ESPN: variants seen among roughly 807,000 people sequenced by gnomAD.
ESPN encodes the protein autosomal recessive deafness type 36 protein.
A neutral mutation model predicts 77.7 loss-of-function variants in ESPN; 68 were observed. That is an observed-to-expected ratio of 0.87 (90% CI 0.72 to 1.07). ESPN has a LOEUF of 1.07. ESPN is among the 50% of genes least tolerant of loss of function. ESPN has a pLI of 0.00. For synonymous variants in ESPN, 449 were observed against 567.1 expected (o/e 0.79, Z 2.96); for missense variants, 1,060 against 1,239.0 (o/e 0.86, Z 2.17).
Position 6,460,217 on chromosome 1 carries a change from C to T in ESPN, c.*71C>T. 1 of 1,572,612 alleles carries T rather than the reference C, an allele frequency of 6.4e-7. No homozygotes were observed. The highest frequency in any genetic ancestry group is 8.7e-7 in the Non-Finnish European group (1 of 1,155,012). The stretch of plus-strand genomic sequence containing the variant: ...CCGCCCCAGCCCCAGCCAGCCAGGC[C>T]CTGGTGGAAAGGCTGGGAGCCGCAC... On this transcript the variant is annotated 3_prime_UTR_variant, in exon 13 of 13. Transcript: ENST00000645284.
chr1:6,451,849 C>T lies in ESPN; in HGVS notation c.2078C>T (p.Pro693Leu). 6.2e-7 allele frequency: 1 copy of T among 1,611,762 alleles called. No homozygotes were observed. Among genetic ancestry groups the T allele is most frequent in the Non-Finnish European group, 8.5e-7 (1 of 1,179,392 alleles). Reference protein sequence around the residue: ...QPAFQPDSPLPSVSPALSPVR... With the variant: ...QPAFQPDSPLLSVSPALSPVR... ...TCCCTGCAGCCCGATTCGCCGCTGC[C>T]TTCTGTGTCACCTGCACTGTCACCA... Residue 693 changes from proline to leucine, a missense_variant, in exon 10 of 13, where the codon CCT (proline) becomes CTT (leucine). Around this residue, in one of 3 missense-constraint regions of ESPN, gnomAD observed 374 missense variants for 381.4 expected, o/e 0.98. Transcript: ENST00000645284. The surrounding 1 kb of genome is among the most constrained non-coding windows in gnomAD (Gnocchi z 4.3).
At chr1:6,439,869 C>G (rs1394424466) in intron 2 of ESPN, among the ~76,000 whole-genome samples, 1 of 152,066 alleles carries the variant, frequency 6.6e-6, no homozygotes, top group Non-Finnish European at 1.5e-5. Context: ...ATTAGCGGGG[C>G]GTGGTGGCAC....
In ESPN at chr1:6,440,825, G is replaced by A; in HGVS notation, c.858+17G>A. The A allele has an allele frequency of 6.8e-7, 1 of 1,460,894 alleles. No individual in the cohort carries two copies. Among genetic ancestry groups the A allele is most frequent in the Non-Finnish European group, 9.0e-7 (1 of 1,116,592 alleles). 90.5% of individuals were successfully genotyped at this position (1,460,894 alleles called of 1,614,324 possible). A position where few individuals can be genotyped will look rare whatever the true frequency, so the allele number is the denominator to read the frequency against. ...GAGCTAGAGGTCAGCGCGGGCCCGG[G>A]GTGGGGGCGCGCGCCCTCTGCTGGC... On this transcript the variant is annotated intron_variant, in intron 4 of 12. Coordinates refer to ENST00000645284, the MANE Select transcript of ESPN (RefSeq NM_031475.3).
intron 5 of ESPN, 92 bp from the exon 6 acceptor site, chr1:6,444,389 A>G: frequency 7.6e-7 from 1 of 1,315,476 alleles, no homozygotes; most frequent in Non-Finnish European, 1.1e-6. Flanking sequence ...CCAAGATCCC[A>G]CAGCGAAGGC....
intron 10 of ESPN, chr1:6,455,538 G>A (rs561805053): frequency 1.2e-3 from 475 of 398,444 alleles, no homozygotes; most frequent in African/African-American, 9.0e-3. Flanking sequence ...GCTGCGTCGC[G>A]TGCCGGCAAG....
In ESPN at chr1:6,447,869, C is replaced by T. The variant is rs1270859619; in HGVS notation, c.1465-772C>T. 2.0e-5 allele frequency among the ~76,000 whole-genome samples: 3 copies of T among 152,198 alleles called. No homozygotes were observed. Among genetic ancestry groups the T allele is most frequent in the Non-Finnish European group, 4.4e-5 (3 of 68,030 alleles). ...AGAGGCGCAGGGGGCGGGGTCACAT[C>T]TGGCCGGGGACGGGTGCAGAGCCGC... On this transcript the variant is annotated intron_variant, in intron 7 of 12. Coordinates refer to ENST00000645284, the MANE Select transcript of ESPN (RefSeq NM_031475.3). The surrounding 1 kb of genome is among the most constrained non-coding windows in gnomAD (Gnocchi z 5.2).
At chr1:6,459,719 T>A (rs1341605401) in intron 12 of ESPN, among the ~76,000 whole-genome samples, 1 of 152,112 alleles carries the variant, frequency 6.6e-6, no homozygotes, top group East Asian at 1.9e-4. Context: ...CCTCCTCACA[T>A]GGTGCCACAC....
At chr1:6,445,173 C>T (rs191897134) in intron 6 of ESPN, among the ~76,000 whole-genome samples, 1 of 152,216 alleles carries the variant, frequency 6.6e-6, no homozygotes, top group South Asian at 2.1e-4. Context: ...AGCATGTGCA[C>T]AAATGCGTAC....
Position 6,451,600 on chromosome 1 carries a change from T to C in ESPN, c.1916-3T>C. On this transcript the variant is annotated splice_region_variant and splice_polypyrimidine_tract_variant and intron_variant, in intron 8 of 12. Coordinates refer to ENST00000645284, the MANE Select transcript of ESPN (RefSeq NM_031475.3). This position sits in a 1 kb window ranked among gnomAD's most constrained non-coding sequence, Gnocchi z 4.3. ...CAGTGCCTCATCTCCTGCCTCCGCA[T>C]AGGCACCAAGTCTTTCAACATGATG... 6.2e-7 allele frequency: 1 copy of C among 1,612,560 alleles called. No individual in the cohort carries two copies. The highest frequency in any genetic ancestry group is 1.3e-5 in the African/African-American group (1 of 75,046).
rs1302795552 is a variant in ESPN, at chr1:6,445,850, C to G, written c.1379C>G (p.Pro460Arg). Reference sequence around the variant, plus strand: ...CCACCTGGCTACCCAGCTCCCAAGCCTCCTGTAGGACCACAGGCAGCTGAC... The same window carrying G: ...CCACCTGGCTACCCAGCTCCCAAGCGTCCTGTAGGACCACAGGCAGCTGAC... ...PPPPGYPAPK[P>R]PVGPQAADIY... is the part of the protein sequence containing the mutation. The change falls in exon 7 of 13, where the codon CCT (proline) becomes CGT (arginine). Residue 460 changes from proline (P) to arginine (R), a missense_variant. By Grantham distance (103) the Pro-to-Arg change is moderately radical. Transcript: ENST00000645284. The G allele has an allele frequency of 7.5e-6, 12 of 1,609,374 alleles. No individual in the cohort carries two copies. The highest frequency in any genetic ancestry group is 1.0e-5 in the Non-Finnish European group (12 of 1,178,058).
rs1442384179 is a variant in ESPN at position 6,460,826 on chromosome 1, G to A, written c.*680G>A. On this transcript the variant is annotated 3_prime_UTR_variant, in exon 13 of 13. Coordinates refer to ENST00000645284, the MANE Select transcript of ESPN (RefSeq NM_031475.3). Reference sequence around the variant, plus strand: ...GGGACCCTTTCACTGCCCCGGTGGAGTGAATAGAGGATGAGGGGCCCTGAC... The same window carrying A: ...GGGACCCTTTCACTGCCCCGGTGGAATGAATAGAGGATGAGGGGCCCTGAC... 1 of 233,986 alleles carries A rather than the reference G, an allele frequency of 4.3e-6. No homozygotes were observed. The highest frequency in any genetic ancestry group is 2.3e-5 in the African/African-American group (1 of 42,844). The allele number at this position is 233,986 out of a possible 1,614,324, so 14.5% of individuals were successfully genotyped here.
rs1419690508 is a variant in ESPN, at chr1:6,460,169, G to C, written c.*23G>C. On this transcript the variant is annotated 3_prime_UTR_variant, in exon 13 of 13. Transcript: ENST00000645284. ...TAGAGGCCGCAGACTCCTGTCCGCA[G>C]CCTCGCAGCTCCGTGGGGCCCTCCG... The C allele has an allele frequency of 3.7e-6, 6 of 1,605,646 alleles. No individual in the cohort carries two copies. Among genetic ancestry groups the C allele is most frequent in the African/African-American group, 1.3e-5 (1 of 74,760 alleles).
At chr1:6,435,489 C>T (rs1000816318) in intron 2 of ESPN, among the ~76,000 whole-genome samples, 1 of 152,220 alleles carries the variant, frequency 6.6e-6, no homozygotes, top group Non-Finnish European at 1.5e-5. Flanking sequence ...ATCTTTGTTC[C>T]CAGGAGAAAG....
rs766867183 is a variant in ESPN at position 6,460,122 on chromosome 1, G to T, written c.2541G>T (p.Lys847Asn). 1 of 1,612,814 alleles carries T rather than the reference G, an allele frequency of 6.2e-7. No homozygotes were observed. Among genetic ancestry groups the T allele is most frequent in the South Asian group, 1.1e-5 (1 of 91,046 alleles). ...CCTGGCAGCGACAGGTCATCCTGAA[G>T]AAGGGGGACATCGCTAAGTACTAGA... ...LAPWQRQVILKKGDIAKY is the reference protein window; with the variant it reads ...LAPWQRQVILNKGDIAKY The change falls in exon 13 of 13, where the codon AAG becomes AAT. Residue 847 changes from lysine (K) to asparagine (N), a missense_variant. Physicochemically the swap from Lys to Asn is moderately conservative, Grantham distance 94. Coordinates refer to ENST00000645284, the MANE Select transcript of ESPN (RefSeq NM_031475.3).
At chr1:6,461,281 T>C, downstream of ESPN, 1 of 960,302 alleles carries the variant, frequency 1.0e-6, no homozygotes, top group Non-Finnish European at 1.6e-6. The surrounding 1 kb of genome is among the most constrained non-coding windows in gnomAD (Gnocchi z 6.3). Flanking sequence ...GCTGGAGCGA[T>C]AGGGGCGAGC....
intron 6 of ESPN, 52 bp from the exon 7 acceptor site, chr1:6,445,612 G>A (rs1317773162): frequency 5.0e-6 from 8 of 1,591,440 alleles, no homozygotes; most frequent in South Asian, 1.1e-5. Flanking sequence ...CAGTCTTGGG[G>A]GACAGCCTGT....
intron 7 of ESPN, among the ~76,000 whole-genome samples, chr1:6,446,395 G>A (rs1643841419): frequency 6.6e-6 from 1 of 152,204 alleles, no homozygotes; most frequent in Non-Finnish European, 1.5e-5. Context: ...GGGCTGGAAG[G>A]AGGGTGGGGG....
Position 6,428,004 on chromosome 1 carries a change from G to C in ESPN, c.295-222G>C, listed in dbSNP as rs1307786488. 6.6e-6 allele frequency among the ~76,000 whole-genome samples: 1 copy of C among 152,212 alleles called. No homozygotes were observed. The highest frequency in any genetic ancestry group is 2.1e-4 in the South Asian group (1 of 4,832). ...CTGCACGGTGCTGCCTATTGGCTAC[G>C]GTTCAGAGAGGGCCAGTTAGTTGCC... is the stretch of plus-strand genomic sequence containing the variant. On this transcript the variant is annotated intron_variant, in intron 1 of 12. Transcript: ENST00000645284. This position sits in a 1 kb window ranked among gnomAD's most constrained non-coding sequence, Gnocchi z 5.4.
intron 10 of ESPN, chr1:6,456,209 C>T (rs1644055639): frequency 2.5e-6 from 1 of 397,264 alleles, no homozygotes; most frequent in South Asian, 1.3e-4. Context: ...CAGCGGAATT[C>T]GGAATTCTCA....
Sources: allele counts gnomAD v4.1 joint callset (sites outside exome capture counted in the v4.1 genomes callset), GRCh38; gene constraint gnomAD v4.1.1; regional missense constraint gnomAD v4.1.1; non-coding constraint Gnocchi (gnomAD v3.1); transcripts MANE v1.5; gene names NCBI Gene and HGNC (gene_info 2026-07-23, HGNC 2026-07-21).